CABCOCO1: variants seen among roughly 807,000 people sequenced by gnomAD.
CABCOCO1 encodes ciliary-associated calcium-binding coiled-coil protein 1.
Under a neutral mutation model 35.7 loss-of-function variants are expected in CABCOCO1, and 28 were observed. The ratio of observed to expected loss-of-function variants is 0.78; its 90% CI spans 0.58 to 1.07. The LOEUF is 1.07. Among genes scored for constraint, CABCOCO1 ranks in the 50% least tolerant of loss-of-function variants. CABCOCO1 has a pLI of 0.00. For synonymous variants in CABCOCO1, 95 were observed against 100.1 expected (o/e 0.95, Z 0.30); for missense variants, 326 against 309.2 (o/e 1.05, Z -0.41).
intron 5 of CABCOCO1, among the ~76,000 whole-genome samples, chr10:61,692,765 T>C (rs1410284685): frequency 6.6e-6 from 1 of 152,188 alleles, no homozygotes; most frequent in Non-Finnish European, 1.5e-5. Context: ...AAATTACTTC[T>C]TTGCAGTCTC....
At chr10:61,706,581 C>T (rs1840597766) in intron 5 of CABCOCO1, among the ~76,000 whole-genome samples, 1 of 152,024 alleles carries the variant, frequency 6.6e-6, no homozygotes, top group South Asian at 2.1e-4. Context: ...ATAAACAGTC[C>T]TATGTTAAAT....
At chr10:61,752,484 C>A (rs1466683047) in intron 5 of CABCOCO1, among the ~76,000 whole-genome samples, 2 of 151,902 alleles carry the variant, frequency 1.3e-5, no homozygotes, top group African/African-American at 2.4e-5. Flanking sequence ...GGGAAACACA[C>A]AAACTATGAA....
intron 5 of CABCOCO1, among the ~76,000 whole-genome samples, chr10:61,695,756 A>G (rs529491315): frequency 6.6e-6 from 1 of 152,220 alleles, no homozygotes; most frequent in East Asian, 1.9e-4. Context: ...CTGTCAATCT[A>G]GAACTTCATT....
chr10:61,681,043 T>C, intron 2 of CABCOCO1, 100 bp from the exon 3 acceptor site: 1 of 547,948 alleles, frequency 1.8e-6, no homozygotes, highest in South Asian at 3.7e-5. Context: ...TATTTTCAGA[T>C]TATGGGCATT....
chr10:61,667,220 T>C (rs1382557786), intron 1 of CABCOCO1, among the ~76,000 whole-genome samples: 1 of 147,482 alleles, frequency 6.8e-6, no homozygotes, highest in Non-Finnish European at 1.5e-5. Context: ...ATGTTTATTA[T>C]ATACATTTTT....
intron 5 of CABCOCO1, among the ~76,000 whole-genome samples, chr10:61,750,166 C>T (rs1841750803): frequency 6.6e-6 from 1 of 152,114 alleles, no homozygotes; most frequent in Non-Finnish European, 1.5e-5. Context: ...TAGAAATTTG[C>T]TTCATGATGT....
At chr10:61,665,660 G>C (rs1305694137) in intron 1 of CABCOCO1, among the ~76,000 whole-genome samples, 1 of 151,942 alleles carries the variant, frequency 6.6e-6, no homozygotes, top group Non-Finnish European at 1.5e-5. Flanking sequence ...GGCCGAGGCG[G>C]GCGGATCACG....
chr10:61,742,894 G>A (rs1240682484), intron 5 of CABCOCO1, among the ~76,000 whole-genome samples: 1 of 152,164 alleles, frequency 6.6e-6, no homozygotes, highest in African/African-American at 2.4e-5. Context: ...TCCTGAAAAG[G>A]AGGGGGACTA....
At chr10:61,746,148 T>C (rs1333724304) in intron 5 of CABCOCO1, among the ~76,000 whole-genome samples, 1 of 152,226 alleles carries the variant, frequency 6.6e-6, no homozygotes, top group East Asian at 1.9e-4. Context: ...AATTTTACTC[T>C]AGTTTTAATA....
At chr10:61,702,696 G>A (rs1404029276) in intron 5 of CABCOCO1, among the ~76,000 whole-genome samples, 1 of 152,060 alleles carries the variant, frequency 6.6e-6, no homozygotes, top group East Asian at 1.9e-4. Context: ...GGCTTATGAG[G>A]CCACTCTTTA....
chr10:61,664,427 A>C (rs1839102976), intron 1 of CABCOCO1, among the ~76,000 whole-genome samples: 1 of 152,068 alleles, frequency 6.6e-6, no homozygotes, highest in East Asian at 1.9e-4. Context: ...ATTTTTTAAA[A>C]GATGTAAAGA....
At chr10:61,748,580 C>T (rs927887565) in intron 5 of CABCOCO1, among the ~76,000 whole-genome samples, 1 of 152,178 alleles carries the variant, frequency 6.6e-6, no homozygotes, top group African/African-American at 2.4e-5. Flanking sequence ...TGCTGCAGAA[C>T]TGTGAATGAA....
intron 3 of CABCOCO1, chr10:61,685,356 C>A (rs1839923562): frequency 6.6e-6 from 1 of 152,228 alleles, no homozygotes; most frequent in Non-Finnish European, 1.5e-5. Flanking sequence ...GTCTTCCATT[C>A]CTCACCAGCT....
At chr10:61,733,676 A>G (rs1226962881) in intron 5 of CABCOCO1, among the ~76,000 whole-genome samples, 1 of 152,142 alleles carries the variant, frequency 6.6e-6, no homozygotes, top group African/African-American at 2.4e-5. Context: ...TAGACATTAA[A>G]TTACTTTCAA....
At chr10:61,725,481 C>T (rs1356799840) in intron 5 of CABCOCO1, among the ~76,000 whole-genome samples, 1 of 152,052 alleles carries the variant, frequency 6.6e-6, no homozygotes, top group Non-Finnish European at 1.5e-5. Context: ...AAGCTAGAAA[C>T]CATCATTCTG....
At chr10:61,754,539 A>G (rs1317561999) in intron 5 of CABCOCO1, among the ~76,000 whole-genome samples, 1 of 152,140 alleles carries the variant, frequency 6.6e-6, no homozygotes, top group Non-Finnish European at 1.5e-5. Context: ...AAGTCAAAAG[A>G]TATCTAAAAT....
chr10:61,721,419 G>C (rs1052915993), intron 5 of CABCOCO1, among the ~76,000 whole-genome samples: 1 of 152,118 alleles, frequency 6.6e-6, no homozygotes, highest in African/African-American at 2.4e-5. Context: ...AACCCGTGGT[G>C]GATATGTACC....
intron 5 of CABCOCO1, among the ~76,000 whole-genome samples, chr10:61,705,758 C>T (rs1840578460): frequency 6.6e-6 from 1 of 152,148 alleles, no homozygotes; most frequent in Non-Finnish European, 1.5e-5. Context: ...GTTAGTTGAG[C>T]ATTTACTGTA....
chr10:61,749,613 T>A (rs1238957652), intron 5 of CABCOCO1, among the ~76,000 whole-genome samples: 1 of 152,232 alleles, frequency 6.6e-6, no homozygotes, highest in Non-Finnish European at 1.5e-5. Flanking sequence ...ACAACTCTAG[T>A]ATACACATGT....
Sources: gnomAD v4.1 joint callset for allele counts (sites outside exome capture counted in the v4.1 genomes callset) on GRCh38, gnomAD v4.1.1 for gene constraint, MANE v1.5 for transcripts, NCBI Gene and HGNC (gene_info 2026-07-23, HGNC 2026-07-21) for gene names.